Variants in TRIM64B observed in about 807,000 individuals in gnomAD.
The protein encoded by TRIM64B is tripartite motif-containing protein 64B.
For synonymous variants in TRIM64B, 17 were observed against 190.3 expected (o/e 0.09, Z 7.50); for missense variants, 57 against 536.4 (o/e 0.11, Z 8.83).
chr11:89,872,864 T>C (rs1488963099), intron 4 of TRIM64B, among the ~76,000 whole-genome samples: 1 of 151,676 alleles, frequency 6.6e-6, no homozygotes, highest in Non-Finnish European at 1.5e-5. Flanking sequence ...ATTGATGCTT[T>C]TAGGAGCAAA....
chr11:89,876,246 C>T (rs568893829), upstream of TRIM64B, among the ~76,000 whole-genome samples: 2 of 138,738 alleles, frequency 1.4e-5, no homozygotes, highest in African/African-American at 5.2e-5. Context: ...CAAGGACTCC[C>T]TGAGAACCAA....
chr11:89,872,924 T>TC (rs1307993865), intron 4 of TRIM64B, among the ~76,000 whole-genome samples: 3 of 50,414 alleles, frequency 6.0e-5, no homozygotes, highest in Admixed American at 1.6e-4. Flanking sequence ...CCCTCTGTCT[T>TC]TTTTTTTTTT....
chr11:89,873,832 G>A (rs1242366826), intron 3 of TRIM64B, among the ~76,000 whole-genome samples: 5 of 129,074 alleles, frequency 3.9e-5, no homozygotes, highest in Non-Finnish European at 4.9e-5. Context: ...TTATATTGAA[G>A]AGAACTTTGT....
intron 4 of TRIM64B, among the ~76,000 whole-genome samples, 180 bp downstream of exon 5, chr11:89,873,088 A>T (rs1333091220): frequency 6.6e-6 from 1 of 152,254 alleles, no homozygotes; most frequent in South Asian, 2.1e-4. Flanking sequence ...GTATGTTTTA[A>T]TTCATACAAA....
upstream of TRIM64B, among the ~76,000 whole-genome samples, chr11:89,876,628 A>G (rs9667244): frequency 0.066 from 9,723 of 147,504 alleles, 1,124 homozygotes; most frequent in African/African-American, 0.087. Flanking sequence ...AGGCTGAGGC[A>G]GGAGAATCGC....
upstream of TRIM64B, among the ~76,000 whole-genome samples, chr11:89,876,222 A>G (rs199528021): frequency 0.14 from 18,435 of 127,416 alleles, 311 homozygotes; most frequent in Non-Finnish European, 0.17. Flanking sequence ...CTCAATAGCC[A>G]TCGAAGATTC....
In TRIM64B at chr11:89,874,981, T is replaced by A. The variant is rs368018723; in HGVS notation, c.501A>T (p.Leu167Phe). 5.1e-4 allele frequency: 784 copies of A among 1,550,798 alleles called. 6 individuals carry two copies. The African/African-American group carries it at 1.0e-2, about 20-fold the overall frequency. The change falls in exon 2 of 6, where the codon TTA (leucine) becomes TTT (phenylalanine). Residue 167 changes from leucine to phenylalanine, a missense_variant. By Grantham distance (22) the Leu-to-Phe change is conservative. Coordinates refer to ENST00000329862, the Ensembl canonical transcript of TRIM64B. ...AAGAAAACATTTTCATTCTTACCTT[T>A]AACGAATGAAATGTGCTAGTTTCCT...
intron 5 of TRIM64B, among the ~76,000 whole-genome samples, chr11:89,871,929 C>T (rs1167167187): frequency 3.5e-5 from 2 of 57,178 alleles, no homozygotes; most frequent in Non-Finnish European, 6.5e-5. Context: ...ATACTGATGC[C>T]GCCATGAGAA....
At chr11:89,871,856 C>A (rs1207523299) in intron 5 of TRIM64B, among the ~76,000 whole-genome samples, 2 of 36,786 alleles carry the variant, frequency 5.4e-5, no homozygotes, top group Admixed American at 3.6e-4. Flanking sequence ...AGAATAGAAA[C>A]AATTAAAAAC....
chr11:89,877,648 C>T (rs1950173723), upstream of TRIM64B, among the ~76,000 whole-genome samples: 1 of 145,038 alleles, frequency 6.9e-6, no homozygotes, highest in African/African-American at 2.5e-5. Context: ...GAGATGCAGT[C>T]TCACTCTGTT....
At chr11:89,876,745 A>G (rs768032895), upstream of TRIM64B, among the ~76,000 whole-genome samples, 1 of 149,136 alleles carries the variant, frequency 6.7e-6, no homozygotes, top group African/African-American at 2.4e-5. Context: ...AAAAAAGTAC[A>G]TATTCAGTAC....
exon 1 of TRIM64B, chr11:89,875,643 G>T: frequency 1.3e-6 from 2 of 1,513,096 alleles, no homozygotes; most frequent in African/African-American, 2.8e-5. Flanking sequence ...CTATTGGGCT[G>T]TGGCTGTGAG....
chr11:89,872,464 T>G (rs1260882731), intron 4 of TRIM64B, among the ~76,000 whole-genome samples, 152 bp from the exon 6 acceptor site: 3 of 151,856 alleles, frequency 2.0e-5, no homozygotes, highest in Admixed American at 6.5e-5. Flanking sequence ...CTAGGGGCAA[T>G]AAGGATGTTA....
upstream of TRIM64B, among the ~76,000 whole-genome samples, chr11:89,876,780 A>AT (rs576283340): frequency 1.5e-3 from 227 of 149,430 alleles, no homozygotes; most frequent in African/African-American, 5.0e-3. Context: ...CCCTGTAAAT[A>AT]TTTTTTATCT....
At chr11:89,875,131 C>G (rs187807953) in intron 1 of TRIM64B, 58 bp from the exon 3 acceptor site, 1 of 1,533,384 alleles carries the variant, frequency 6.5e-7, no homozygotes, top group South Asian at 1.2e-5. Context: ...ATTTCATACC[C>G]TTATCTTAAA....
Position 89,872,830 on chromosome 11 carries a change from A to C in TRIM64B, c.758+438T>G, listed in dbSNP as rs141702218. 2.5e-3 allele frequency among the ~76,000 whole-genome samples: 383 copies of C among 150,950 alleles called. 22 individuals are homozygous for C. The highest frequency in any genetic ancestry group is 8.6e-3 in the African/African-American group (352 of 40,944). On this transcript the variant is annotated intron_variant, in intron 4 of 5. Coordinates refer to ENST00000329862, the Ensembl canonical transcript of TRIM64B. Reference sequence around the variant, plus strand: ...TGAGGTCTTTCCTAGAACTGGGTGTATGGTGATGGAGCAGGCCCGGGTCAT... The same window carrying C: ...TGAGGTCTTTCCTAGAACTGGGTGTCTGGTGATGGAGCAGGCCCGGGTCAT...
chr11:89,877,651 ACT>A (rs1325501326), upstream of TRIM64B, among the ~76,000 whole-genome samples: 1 of 143,306 alleles, frequency 7.0e-6, no homozygotes, highest in Admixed American at 7.1e-5. Context: ...ATGCAGTCTC[ACT>A]CTGTTACGCA....
chr11:89,877,609 C>CTTTTT (rs1280189775), upstream of TRIM64B, among the ~76,000 whole-genome samples: 2 of 141,498 alleles, frequency 1.4e-5, no homozygotes, highest in Non-Finnish European at 1.6e-5. Context: ...TTTTCTTTTT[C>CTTTTT]TTTTTTTTTT....
chr11:89,877,428 A>C (rs1352905164), upstream of TRIM64B, among the ~76,000 whole-genome samples: 3 of 140,638 alleles, frequency 2.1e-5, no homozygotes, highest in South Asian at 2.3e-4. Context: ...AAAATAACAA[A>C]AAAAAAGTGA....
Sources: allele counts gnomAD v4.1 joint callset (sites outside exome capture counted in the v4.1 genomes callset), GRCh38; gene constraint gnomAD v4.1.1; transcripts MANE v1.5; gene names NCBI Gene and HGNC (gene_info 2026-07-23, HGNC 2026-07-21).